Variants in ATP5PO observed in about 807,000 individuals in gnomAD.
ATP5PO encodes ATP synthase peripheral stalk subunit OSCP, also known as ATP synthase peripheral stalk subunit OSCP, mitochondrial.
Under a neutral mutation model 26.2 loss-of-function variants are expected in ATP5PO, and 14 were observed. The observed-to-expected ratio is 0.53, with a 90% confidence interval of 0.35 to 0.83. ATP5PO has a LOEUF of 0.83. ATP5PO is among the 40% of genes least tolerant of loss of function. ATP5PO has a pLI of 0.01. For synonymous variants in ATP5PO, 106 were observed against 95.1 expected (o/e 1.12, Z -0.67); for missense variants, 241 against 258.5 (o/e 0.93, Z 0.46).
intron 5 of ATP5PO, among the ~76,000 whole-genome samples, chr21:33,905,127 G>A (rs1447949570): frequency 1.3e-5 from 2 of 152,110 alleles, no homozygotes; most frequent in Non-Finnish European, 2.9e-5. Context: ...AAAAATTTAT[G>A]TCTTTGTAAA....
chr21:33,909,924 C>T (rs1239295245), intron 3 of ATP5PO, among the ~76,000 whole-genome samples: 5 of 152,206 alleles, frequency 3.3e-5, no homozygotes, highest in African/African-American at 1.2e-4. Context: ...CCGCACCGCT[C>T]CCTTGGAGGG....
chr21:33,911,704 C>T (rs1054872285), intron 3 of ATP5PO, among the ~76,000 whole-genome samples: 2 of 135,714 alleles, frequency 1.5e-5, no homozygotes, highest in South Asian at 2.4e-4. Flanking sequence ...AGTCTCGTAC[C>T]GTCCGGGGCT....
chr21:33,912,788 A>G (rs1324483307), intron 2 of ATP5PO, among the ~76,000 whole-genome samples: 1 of 152,208 alleles, frequency 6.6e-6, no homozygotes. Context: ...GACAGTTTCG[A>G]GTATGTTAGA....
rs760066948 is a variant in ATP5PO at position 33,909,197 on chromosome 21, T to G, written c.213A>C (p.Glu71Asp). The change falls in exon 4 of 7, where the codon GAA becomes GAC. Residue 71 changes from glutamate to aspartate, a missense_variant. Coordinates refer to ENST00000290299, the MANE Select transcript of ATP5PO (RefSeq NM_001697.3). Reference sequence around the variant, plus strand: ...TCAAAACAGAAGCAGCCACTTTGGGTTCCTTCAGGATTTGCTGAAAGCATC... The same window carrying G: ...TCAAAACAGAAGCAGCCACTTTGGGGTCCTTCAGGATTTGCTGAAAGCATC... ...ELLRVAQILK[E>D]PKVAASVLNP... The G allele has an allele frequency of 6.2e-7, 1 of 1,612,924 alleles. No homozygotes were observed. The highest frequency in any genetic ancestry group is 2.2e-5 in the East Asian group (1 of 44,880).
intron 1 of ATP5PO, chr21:33,915,525 C>T (rs771815127): frequency 1.3e-4 from 91 of 708,742 alleles, no homozygotes; most frequent in Non-Finnish European, 1.8e-4. Context: ...TTACGGCACG[C>T]GCAGCCCCGC....
intron 2 of ATP5PO, among the ~76,000 whole-genome samples, chr21:33,914,208 T>C (rs1987284865): frequency 6.6e-6 from 1 of 151,422 alleles, no homozygotes; most frequent in Non-Finnish European, 1.5e-5. Context: ...TTTTAGAGGG[T>C]TAATGGAAAA....
At chr21:33,906,039 G>C (rs900727580) in intron 5 of ATP5PO, among the ~76,000 whole-genome samples, 3 of 152,134 alleles carry the variant, frequency 2.0e-5, no homozygotes, top group Middle Eastern at 6.8e-3. Flanking sequence ...CACACTGTTA[G>C]GGATAACTGA....
intron 3 of ATP5PO, among the ~76,000 whole-genome samples, chr21:33,911,523 T>C (rs1987246339): frequency 6.6e-6 from 1 of 152,214 alleles, no homozygotes; most frequent in African/African-American, 2.4e-5. Context: ...GAAAACAACC[T>C]GTAAGACATA....
At chr21:33,913,344 G>C (rs532802427) in intron 2 of ATP5PO, among the ~76,000 whole-genome samples, 3 of 152,294 alleles carry the variant, frequency 2.0e-5, no homozygotes, top group Non-Finnish European at 4.4e-5. Context: ...TTTTTCCAAG[G>C]GGCGGACTGG....
intron 1 of ATP5PO, 153 bp from the exon 2 acceptor site, chr21:33,914,653 A>AT: frequency 1.5e-6 from 1 of 648,242 alleles, no homozygotes; most frequent in Middle Eastern, 3.5e-4. Context: ...GCTACTTACT[A>AT]TTACTAAGGG....
At chr21:33,903,672 C>T (rs375395669) in intron 6 of ATP5PO, 33 bp from the exon 7 acceptor site, 66 of 1,602,522 alleles carry the variant, frequency 4.1e-5, no homozygotes, top group South Asian at 3.6e-4. Context: ...AATGTGAAAA[C>T]GCGCTAATCA....
rs1466237617 is a variant in ATP5PO, at chr21:33,903,995, T to C, written c.468A>G (p.Glu156=). Residue 156 remains glutamate, a synonymous_variant, in exon 6 of 7, where the codon GAA becomes GAG. Coordinates refer to ENST00000290299, the MANE Select transcript of ATP5PO (RefSeq NM_001697.3). Reference sequence around the variant, plus strand: ...GGAAGCTCTTGAGGACAGTTTTTAATTCAGAGAGTGTGGCTTCTTCTAAAG... The same window carrying C: ...GGAAGCTCTTGAGGACAGTTTTTAACTCAGAGAGTGTGGCTTCTTCTAAAG... ...ASPLEEATLS[E]LKTVLKSFLS... is the part of the protein sequence containing the mutation. 1 of 1,613,608 alleles carries C rather than the reference T, an allele frequency of 6.2e-7. No homozygotes were observed. The highest frequency in any genetic ancestry group is 2.2e-5 in the East Asian group (1 of 44,874).
chr21:33,911,662 GTTTTTTTTT>G (rs58774588), intron 3 of ATP5PO, among the ~76,000 whole-genome samples: 4 of 92,094 alleles, frequency 4.3e-5, no homozygotes, highest in Middle Eastern at 8.1e-3. Context: ...ATAAGCATAG[GTTTTTTTTT>G]TTTTTTTTTT....
chr21:33,907,966 GGTAACATGGTGAAACCCTGC>G (rs1420862471), intron 4 of ATP5PO, among the ~76,000 whole-genome samples: 1 of 151,956 alleles, frequency 6.6e-6, no homozygotes, highest in Non-Finnish European at 1.5e-5. Flanking sequence ...TGAAACCCTG[GGTAACATGGTGAAACCCTGC>G]CTCACAAAAA....
chr21:33,903,490 TTAAGAATTTTC>T lies in ATP5PO; in HGVS notation c.*25_*35del. 1 of 1,566,990 alleles carries T rather than the reference TTAAGAATTTTC, an allele frequency of 6.4e-7. No homozygotes were observed. Among genetic ancestry groups the T allele is most frequent in the Non-Finnish European group, 8.8e-7 (1 of 1,140,836 alleles). On this transcript the variant is annotated 3_prime_UTR_variant, in exon 7 of 7. Coordinates refer to ENST00000290299, the MANE Select transcript of ATP5PO (RefSeq NM_001697.3). ...GAAGCTTTTTATTGTTGCTCCAAGT[TTAAGAATTTTC>T]ACTGATGGCAGAAAACCAACACTTT...
chr21:33,910,457 C>G (rs1353743449), intron 3 of ATP5PO, among the ~76,000 whole-genome samples: 3 of 152,176 alleles, frequency 2.0e-5, no homozygotes, highest in African/African-American at 7.2e-5. Flanking sequence ...TCATCCTTCC[C>G]TCTTAGTGCC....
Position 33,912,279 on chromosome 21 carries a change from A to G in ATP5PO, c.198+10T>C. The G allele has an allele frequency of 6.3e-7, 1 of 1,598,220 alleles. No individual in the cohort carries two copies. On this transcript the variant is annotated intron_variant, in intron 3 of 6. Coordinates refer to ENST00000290299, the MANE Select transcript of ATP5PO (RefSeq NM_001697.3). ...GAACTTCATATGTAATGAATAGGAA[A>G]GCTACTTACTGCTACTCTCAACAAC...
chr21:33,911,170 A>G (rs1182645049), intron 3 of ATP5PO, among the ~76,000 whole-genome samples: 1 of 152,264 alleles, frequency 6.6e-6, no homozygotes, highest in Admixed American at 6.5e-5. Flanking sequence ...CAGAATGTGT[A>G]GAAACTTGTT....
At position 33,915,738 on chromosome 21, in the gene ATP5PO, A is replaced by C. The variant is rs753443463; in HGVS notation, c.26T>G (p.Leu9Arg). The C allele has an allele frequency of 8.9e-6, 14 of 1,576,514 alleles. No homozygotes were observed. In the Admixed American group the frequency reaches 2.0e-4, roughly 22 times the overall value. The stretch of plus-strand genomic sequence containing the variant: ...CCACCTTTCTCTCACCTGCCGGGAG[A>C]GCCCGGACACTGCTGGGGCAGCCAT... MAAPAVSG[L>R]SRQVRCFSTS... is the part of the protein sequence containing the mutation. The change falls in exon 1 of 7, where the codon CTC becomes CGC. Residue 9 changes from leucine (L) to arginine (R), a missense_variant. This residue lies in a region of ATP5PO where 125 missense variants were observed against 108.5 expected (regional missense o/e 1.15). Transcript: ENST00000290299.
Sources: gnomAD v4.1 joint callset for allele counts (sites outside exome capture counted in the v4.1 genomes callset) on GRCh38, gnomAD v4.1.1 for gene constraint, gnomAD v4.1.1 regional missense constraint, MANE v1.5 for transcripts, NCBI Gene and HGNC (gene_info 2026-07-23, HGNC 2026-07-21) for gene names.